The following KRABD1 variants were observed in gnomAD, a reference collection of about 807,000 sequenced individuals.
KRABD1 encodes KRAB domain-containing protein 1.
the KRABD1 span, among the ~76,000 whole-genome samples, chr3:42,941,777 GAAGAACC>G: frequency 6.6e-6 from 1 of 152,048 alleles, no homozygotes; most frequent in East Asian, 1.9e-4. Flanking sequence ...GGCTTCCTTG[GAAGAACC>G]ATCCTGACTC....
At chr3:42,938,749 G>A in the KRABD1 span, 7 of 481,090 alleles carry the variant, frequency 1.5e-5, no homozygotes, top group South Asian at 4.3e-5. Context: ...ACTAATGAAC[G>A]GTTATTGATA....
chr3:42,941,128 A>G, the KRABD1 span: 5 of 1,179,118 alleles, frequency 4.2e-6, no homozygotes, highest in East Asian at 7.8e-5. Context: ...AATACTGAAT[A>G]CGTATCATTT....
chr3:42,942,030 A>C, the KRABD1 span: 16 of 1,535,946 alleles, frequency 1.0e-5, no homozygotes, highest in Non-Finnish European at 1.2e-5. Context: ...ACCCAGCCAC[A>C]GGGAGTCCTA....
At chr3:42,942,720 A>G in the KRABD1 span, 13 of 484,918 alleles carry the variant, frequency 2.7e-5, no homozygotes, top group Non-Finnish European at 3.9e-5. Context: ...TGTCAAATAC[A>G]CATTTTCTTT....
At chr3:42,940,927 C>T in the KRABD1 span, among the ~76,000 whole-genome samples, 2 of 152,310 alleles carry the variant, frequency 1.3e-5, no homozygotes, top group South Asian at 4.1e-4. Flanking sequence ...CTTCTGTGAT[C>T]GGGCCCAAGC....
At chr3:42,941,965 C>A in the KRABD1 span, 1 of 1,533,972 alleles carries the variant, frequency 6.5e-7, no homozygotes, top group South Asian at 1.2e-5. Flanking sequence ...CAGTGCCACC[C>A]ACTTCCAAAC....
At chr3:42,939,556 C>A in the KRABD1 span, among the ~76,000 whole-genome samples, 149,083 of 152,288 alleles carry the variant, frequency 0.98, 73,059 homozygotes, top group Middle Eastern at 1. Flanking sequence ...ATAGATGCTT[C>A]TTTCTCTTGG....
At chr3:42,937,222 C>T in the KRABD1 span, 2 of 152,150 alleles carry the variant, frequency 1.3e-5, no homozygotes, top group Non-Finnish European at 2.9e-5. Context: ...GGATAACATT[C>T]GATGTCCCTG....
At chr3:42,941,331 T>C in the KRABD1 span, 2 of 1,598,708 alleles carry the variant, frequency 1.3e-6, no homozygotes, top group Non-Finnish European at 8.5e-7. Flanking sequence ...GCTGGAGAAC[T>C]ATGAGGCTGT....
chr3:42,940,822 AC>A, the KRABD1 span, among the ~76,000 whole-genome samples: 4 of 152,282 alleles, frequency 2.6e-5, no homozygotes, highest in East Asian at 7.7e-4. Flanking sequence ...AATATGAGTA[AC>A]CCAAATAATC....
chr3:42,939,151 T>C, the KRABD1 span, among the ~76,000 whole-genome samples: 6 of 152,150 alleles, frequency 3.9e-5, no homozygotes, highest in Non-Finnish European at 8.8e-5. Context: ...TGTACACTTG[T>C]ATGACCTCAC....
chr3:42,940,040 G>A, the KRABD1 span, among the ~76,000 whole-genome samples: 2 of 151,988 alleles, frequency 1.3e-5, no homozygotes, highest in Non-Finnish European at 2.9e-5. Flanking sequence ...AGTTTGTTTT[G>A]TATAAGAAAT....
chr3:42,942,023 C>T, the KRABD1 span: 5 of 1,535,988 alleles, frequency 3.3e-6, no homozygotes, highest in Admixed American at 9.8e-5. Flanking sequence ...CTGTTTCACC[C>T]AGCCACAGGG....
At chr3:42,938,985 G>A in the KRABD1 span, 1 of 1,287,510 alleles carries the variant, frequency 7.8e-7, no homozygotes, top group East Asian at 2.5e-5. Flanking sequence ...ATACATATGT[G>A]TTTATTAGAT....
the KRABD1 span, chr3:42,938,837 T>C: frequency 1.6e-6 from 2 of 1,273,330 alleles, no homozygotes; most frequent in Non-Finnish European, 2.2e-6. Context: ...ATGTTTTTTT[T>C]CTTTACCTTC....
At chr3:42,936,879 A>G in the KRABD1 span, 1 of 152,150 alleles carries the variant, frequency 6.6e-6, no homozygotes, top group African/African-American at 2.4e-5. Flanking sequence ...TTCGCCTGCC[A>G]TAGTGTACAC....
the KRABD1 span, chr3:42,941,313 G>C: frequency 6.2e-7 from 1 of 1,600,184 alleles, no homozygotes; most frequent in South Asian, 1.1e-5. Context: ...CTTGTACAGG[G>C]ATGTGATGCT....
chr3:42,939,029 A>G, the KRABD1 span: 24 of 882,260 alleles, frequency 2.7e-5, no homozygotes, highest in Non-Finnish European at 3.6e-5. Context: ...ACACATTTAC[A>G]TATATATAAC....
chr3:42,942,586 G>T, the KRABD1 span: 5 of 1,444,900 alleles, frequency 3.5e-6, no homozygotes, highest in Non-Finnish European at 4.6e-6. Flanking sequence ...GCAGTGTTAC[G>T]TAGAATAGTA....
Sources: gnomAD v4.1 joint callset for allele counts (sites outside exome capture counted in the v4.1 genomes callset) on GRCh38, gnomAD v4.1.1 for gene constraint, MANE v1.5 for transcripts, NCBI Gene and HGNC (gene_info 2026-07-23, HGNC 2026-07-21) for gene names.